Variants in WWOX observed in about 807,000 individuals in gnomAD.
The protein encoded by WWOX is WW domain-containing oxidoreductase.
WWOX carries 69 observed loss-of-function variants against 46.2 expected under a neutral mutation model. The observed-to-expected ratio is 1.49, with a 90% confidence interval of 1.23 to 1.82. The LOEUF (loss-of-function observed/expected upper bound fraction) is 1.82. WWOX is among the 40% of genes most tolerant of loss of function. The pLI, the probability that WWOX is intolerant of heterozygous loss-of-function variation, is 0.00. For synonymous variants in WWOX, 359 were observed against 202.6 expected (o/e 1.77, Z -6.56); for missense variants, 919 against 542.6 (o/e 1.69, Z -6.89).
At chr16:78,860,972 C>G (rs1253892707) in intron 8 of WWOX, among the ~76,000 whole-genome samples, 1 of 152,116 alleles carries the variant, frequency 6.6e-6, no homozygotes, top group Non-Finnish European at 1.5e-5. Context: ...CATGCCGTAA[C>G]TCGCAACTAA....
intron 6 of WWOX, among the ~76,000 whole-genome samples, chr16:78,417,154 C>G (rs971640256): frequency 4.6e-5 from 7 of 152,008 alleles, no homozygotes; most frequent in Non-Finnish European, 7.3e-5. Context: ...CTCACTGCAG[C>G]CACAACCTCC....
At chr16:78,136,659 C>T (rs776865659) in intron 4 of WWOX, among the ~76,000 whole-genome samples, 13 of 152,154 alleles carry the variant, frequency 8.5e-5, no homozygotes, top group Admixed American at 1.3e-4. Flanking sequence ...CAGGTTGGTT[C>T]GTTAACCTGT....
At chr16:78,244,165 C>G (rs1236718878) in intron 5 of WWOX, among the ~76,000 whole-genome samples, 1 of 152,106 alleles carries the variant, frequency 6.6e-6, no homozygotes, top group Non-Finnish European at 1.5e-5. Flanking sequence ...ACCTCAGCAT[C>G]CCTGTGGGTG....
intron 5 of WWOX, among the ~76,000 whole-genome samples, chr16:78,364,584 G>T (rs1473702672): frequency 6.6e-6 from 1 of 151,900 alleles, no homozygotes; most frequent in Non-Finnish European, 1.5e-5. Context: ...AAAAAAATTT[G>T]TGGTTACAGT....
intron 8 of WWOX, among the ~76,000 whole-genome samples, chr16:78,592,894 T>C (rs975412526): frequency 4.0e-5 from 6 of 151,892 alleles, no homozygotes; most frequent in African/African-American, 1.5e-4. Flanking sequence ...AACGAAAAGG[T>C]GGAGAGGGAA....
chr16:78,316,560 C>G (rs1344847021), intron 5 of WWOX, among the ~76,000 whole-genome samples: 1 of 152,108 alleles, frequency 6.6e-6, no homozygotes, highest in Non-Finnish European at 1.5e-5. Flanking sequence ...CCAGGCTGTT[C>G]TAAAACTCCT....
intron 8 of WWOX, among the ~76,000 whole-genome samples, chr16:78,870,426 A>C (rs1324680707): frequency 1.5e-4 from 23 of 152,042 alleles, no homozygotes. Context: ...AGCTTGAATG[A>C]CCTGCCATCA....
At chr16:79,048,839 G>C (rs145838200) in intron 8 of WWOX, among the ~76,000 whole-genome samples, 69 of 152,240 alleles carry the variant, frequency 4.5e-4, no homozygotes, top group Non-Finnish European at 7.5e-4. Context: ...TAGCTGCCCT[G>C]ATGTTCCGGG....
chr16:78,332,704 G>T (rs1204373607), intron 5 of WWOX, among the ~76,000 whole-genome samples: 1 of 152,110 alleles, frequency 6.6e-6, no homozygotes, highest in African/African-American at 2.4e-5. Flanking sequence ...TGCCTTTACT[G>T]TAGTTATAAT....
intron 5 of WWOX, among the ~76,000 whole-genome samples, chr16:78,380,495 C>T (rs1017518773): frequency 1.3e-5 from 2 of 152,082 alleles, no homozygotes; most frequent in Admixed American, 6.5e-5. Flanking sequence ...GGGCCAGTGA[C>T]GACCCATTCA....
chr16:78,547,241 T>A (rs2667648), intron 8 of WWOX, among the ~76,000 whole-genome samples: 6 of 151,358 alleles, frequency 4.0e-5, no homozygotes, highest in Non-Finnish European at 1.5e-5. Context: ...GCCTTTACAT[T>A]GGAGACACTA....
chr16:78,750,685 G>C (rs2049455436), intron 8 of WWOX, among the ~76,000 whole-genome samples: 2 of 152,004 alleles, frequency 1.3e-5, no homozygotes, highest in African/African-American at 4.8e-5. Flanking sequence ...TATTGTTCCT[G>C]TCTTCATGCC....
intron 8 of WWOX, among the ~76,000 whole-genome samples, chr16:78,490,880 G>A (rs934160897): frequency 2.6e-5 from 4 of 152,162 alleles, no homozygotes; most frequent in African/African-American, 9.7e-5. Context: ...TGCAAAACAG[G>A]ACTCATTAGC....
At chr16:78,470,431 G>A (rs2084193858) in intron 8 of WWOX, among the ~76,000 whole-genome samples, 1 of 152,152 alleles carries the variant, frequency 6.6e-6, no homozygotes. Context: ...GAGATAACCA[G>A]AAATAACTAA....
intron 6 of WWOX, among the ~76,000 whole-genome samples, chr16:78,399,693 G>A (rs1268630603): frequency 6.6e-6 from 1 of 152,142 alleles, no homozygotes; most frequent in Non-Finnish European, 1.5e-5. Flanking sequence ...GAGTTTCTGT[G>A]GTTTACAATT....
At chr16:78,974,101 C>G (rs1364628208) in intron 8 of WWOX, among the ~76,000 whole-genome samples, 4 of 152,330 alleles carry the variant, frequency 2.6e-5, no homozygotes, top group Admixed American at 2.0e-4. Flanking sequence ...GTGTAAAGGA[C>G]TCTCCTCATT....
chr16:78,248,131 A>G (rs1440322177), intron 5 of WWOX, among the ~76,000 whole-genome samples: 1 of 152,198 alleles, frequency 6.6e-6, no homozygotes, highest in Non-Finnish European at 1.5e-5. Flanking sequence ...AATTTATTTA[A>G]AAGACACCTT....
At position 78,986,917 on chromosome 16, in the gene WWOX, A is replaced by T. The variant is rs115773104; in HGVS notation, c.1057-224691A>T. On this transcript the variant is annotated intron_variant, in intron 8 of 8. Coordinates refer to ENST00000566780, the MANE Select transcript of WWOX (RefSeq NM_016373.4). ...TCCTTTTGACTGCAAGGACTCAGTA[A>T]AACAAAGTATTTCAAGGTCATGCTA... Among the ~76,000 whole-genome samples the T allele has an allele frequency of 6.7e-3, 1,015 of 152,210 alleles. 16 individuals carry two copies. The highest frequency in any genetic ancestry group is 0.023 in the African/African-American group (957 of 41,520).
At chr16:78,988,367 AAAG>A (rs2046821587) in intron 8 of WWOX, among the ~76,000 whole-genome samples, 1 of 151,818 alleles carries the variant, frequency 6.6e-6, no homozygotes, top group African/African-American at 2.4e-5. Context: ...AAAAAAAAAA[AAAG>A]AAAGAAAATT....
Sources: gnomAD v4.1 joint callset for allele counts (sites outside exome capture counted in the v4.1 genomes callset) on GRCh38, gnomAD v4.1.1 for gene constraint, MANE v1.5 for transcripts, NCBI Gene and HGNC (gene_info 2026-07-23, HGNC 2026-07-21) for gene names.